The following VEGFC variants were observed in gnomAD, a reference collection of about 807,000 sequenced individuals.
The protein encoded by VEGFC is FLT4 ligand DHM.
A neutral mutation model predicts 46.1 loss-of-function variants in VEGFC; 12 were observed. The ratio of observed to expected loss-of-function variants is 0.26; its 90% CI spans 0.17 to 0.42. The LOEUF is 0.42. Ranked by LOEUF, VEGFC falls within the 10% of genes least tolerant of loss-of-function variation. The probability of loss-of-function intolerance (pLI) is 1.00; values close to 1 mark genes in which losing one functional copy is unlikely to be tolerated. For synonymous variants in VEGFC, 232 were observed against 195.5 expected, an observed-to-expected ratio of 1.19 and a Z score of -1.56; for missense variants, 488 against 529.4, an observed-to-expected ratio of 0.92 and a Z score of 0.77.
chr4:176,740,629 T>G (rs1735156322), intron 1 of VEGFC, among the ~76,000 whole-genome samples: 1 of 150,228 alleles, frequency 6.7e-6, no homozygotes, highest in Non-Finnish European at 1.5e-5. Context: ...CCCTAATAAC[T>G]GGAATACTCA....
chr4:176,766,007 C>G (rs925203141), intron 1 of VEGFC, among the ~76,000 whole-genome samples: 3 of 151,500 alleles, frequency 2.0e-5, no homozygotes, highest in Admixed American at 2.0e-4. Context: ...ATACTATACA[C>G]AGAAAAAAAA....
At chr4:176,698,237 C>G (rs1004742756) in intron 4 of VEGFC, among the ~76,000 whole-genome samples, 7 of 151,724 alleles carry the variant, frequency 4.6e-5, no homozygotes, top group Non-Finnish European at 7.4e-5. Context: ...TTCTCATATT[C>G]TACACTCTTT....
intron 4 of VEGFC, among the ~76,000 whole-genome samples, chr4:176,694,574 A>C (rs1397522297): frequency 1.3e-5 from 2 of 151,958 alleles, no homozygotes; most frequent in Non-Finnish European, 2.9e-5. Flanking sequence ...GATCAACGAG[A>C]CAGAAAGTCA....
chr4:176,757,239 G>A (rs1452825479), intron 1 of VEGFC, among the ~76,000 whole-genome samples: 1 of 151,914 alleles, frequency 6.6e-6, no homozygotes, highest in Non-Finnish European at 1.5e-5. Flanking sequence ...GTGAATGTTA[G>A]GGGCCATAAA....
intron 1 of VEGFC, among the ~76,000 whole-genome samples, chr4:176,740,387 A>T (rs1735147210): frequency 3.3e-5 from 4 of 122,038 alleles, no homozygotes; most frequent in African/African-American, 1.3e-4. Flanking sequence ...GTTATATATA[A>T]CTATATATTT....
chr4:176,780,387 A>AAAAAAAAAAAAAAAAAAAAAAC (rs541639588), intron 1 of VEGFC, among the ~76,000 whole-genome samples: 4 of 114,756 alleles, frequency 3.5e-5, no homozygotes, highest in South Asian at 3.0e-4. Context: ...ATCTCAAAAA[A>AAAAAAAAAAAAAAAAAAAAAAC]AAAAAAAAAA....
At position 176,684,014 on chromosome 4, in the gene VEGFC, C is replaced by T. The variant is rs201028890; in HGVS notation, c.1172G>A (p.Arg391His). 45 of 1,614,118 alleles carry T rather than the reference C, an allele frequency of 2.8e-5. No individual in the cohort carries two copies. Among genetic ancestry groups the T allele is most frequent in the East Asian group, 2.7e-4 (12 of 44,878 alleles). The change falls in exon 7 of 7, where the codon CGC (arginine) becomes CAC (histidine). Residue 391 changes from arginine to histidine, a missense_variant. Physicochemically the swap from Arg to His is conservative, Grantham distance 29 (BLOSUM62 0). Transcript: ENST00000618562. ...CSCYRRPCTNRQKACEPGFSY... is the reference protein window; with the variant it reads ...CSCYRRPCTNHQKACEPGFSY... ...AAATCCTGGCTCACAAGCCTTCTGGCGGTTCGTACATGGCCGTCTGTAACA... is the reference window on the plus strand; with the variant it reads ...AAATCCTGGCTCACAAGCCTTCTGGTGGTTCGTACATGGCCGTCTGTAACA...
At chr4:176,696,120 G>T (rs1295097218) in intron 4 of VEGFC, among the ~76,000 whole-genome samples, 1 of 147,160 alleles carries the variant, frequency 6.8e-6, no homozygotes, top group Non-Finnish European at 1.5e-5. Context: ...CATAGTGTTG[G>T]AAGTTCTGGC....
At chr4:176,758,538 T>C (rs892624791) in intron 1 of VEGFC, among the ~76,000 whole-genome samples, 3 of 152,120 alleles carry the variant, frequency 2.0e-5, no homozygotes, top group African/African-American at 7.2e-5. Flanking sequence ...CTGAATTAAA[T>C]GTGGTTATCA....
chr4:176,714,898 T>A (rs925119987), intron 3 of VEGFC, among the ~76,000 whole-genome samples: 10 of 152,194 alleles, frequency 6.6e-5, no homozygotes, highest in Admixed American at 1.3e-4. Context: ...AGCATCTTCC[T>A]GGAAAACTAA....
chr4:176,690,041 G>A (rs974946330), intron 4 of VEGFC, among the ~76,000 whole-genome samples: 3 of 152,118 alleles, frequency 2.0e-5, no homozygotes, highest in African/African-American at 7.2e-5. Context: ...CTGATCTTAA[G>A]CAAGAGATTC....
At chr4:176,745,058 C>T (rs1049734151) in intron 1 of VEGFC, among the ~76,000 whole-genome samples, 13 of 152,132 alleles carry the variant, frequency 8.5e-5, no homozygotes, top group African/African-American at 2.6e-4. Context: ...GACTGTCCTA[C>T]GTGCTAGTAA....
rs549788035 is a variant in VEGFC at position 176,702,047 on chromosome 4, A to T, written c.704+9452T>A. Among the ~76,000 whole-genome samples, 6 of 152,320 alleles carry T rather than the reference A, an allele frequency of 3.9e-5. No homozygotes were observed. In the East Asian group the frequency reaches 1.2e-3, roughly 29 times the overall value. On this transcript the variant is annotated intron_variant, in intron 4 of 6. Coordinates refer to ENST00000618562, the MANE Select transcript of VEGFC (RefSeq NM_005429.5). ...ACAACTTATGGATATTTAAGCATCT[A>T]GGCATTTGGACTGAGGATCTGTTAA...
intron 1 of VEGFC, among the ~76,000 whole-genome samples, chr4:176,735,933 A>G (rs2111025075): frequency 6.6e-6 from 1 of 152,038 alleles, no homozygotes; most frequent in South Asian, 2.1e-4. Context: ...AGCCTTCTAT[A>G]ATATCTTAAA....
intron 3 of VEGFC, among the ~76,000 whole-genome samples, chr4:176,716,612 A>AG (rs1491497749): frequency 6.0e-5 from 9 of 150,398 alleles, no homozygotes; most frequent in Admixed American, 6.0e-4. Flanking sequence ...AAAAAGAAAA[A>AG]GAAAAAAAAA....
intron 3 of VEGFC, among the ~76,000 whole-genome samples, chr4:176,713,156 G>C (rs1057513482): frequency 1.3e-5 from 2 of 152,092 alleles, no homozygotes; most frequent in African/African-American, 4.8e-5. Flanking sequence ...AAGATTCTAG[G>C]TATTCTCCAC....
chr4:176,757,775 TG>T (rs1735460627), intron 1 of VEGFC, among the ~76,000 whole-genome samples: 1 of 152,080 alleles, frequency 6.6e-6, no homozygotes, highest in South Asian at 2.1e-4. Flanking sequence ...ATTATCCTTA[TG>T]TTTAAAGAGA....
intron 1 of VEGFC, among the ~76,000 whole-genome samples, chr4:176,774,543 G>C (rs938549509): frequency 6.6e-6 from 1 of 152,066 alleles, no homozygotes; most frequent in African/African-American, 2.4e-5. Context: ...GTAAAATGGG[G>C]ACAACATGTG....
chr4:176,722,120 C>T (rs1196272449), intron 3 of VEGFC, among the ~76,000 whole-genome samples: 2 of 151,440 alleles, frequency 1.3e-5, no homozygotes, highest in Non-Finnish European at 2.9e-5. Context: ...ATATAGCCCA[C>T]CAATAGGATA....
Sources: allele counts gnomAD v4.1 joint callset (sites outside exome capture counted in the v4.1 genomes callset), GRCh38; gene constraint gnomAD v4.1.1; transcripts MANE v1.5; gene names NCBI Gene and HGNC (gene_info 2026-07-23, HGNC 2026-07-21).